Variants in NDST3 observed in about 807,000 individuals in gnomAD.
NDST3 encodes N-deacetylase and N-sulfotransferase 3, also known as bifunctional heparan sulfate N-deacetylase/N-sulfotransferase 3.
NDST3 carries 58 observed loss-of-function variants against 96.1 expected under a neutral mutation model. The observed-to-expected ratio is 0.60, with a 90% CI of 0.49 to 0.75. NDST3 has a LOEUF of 0.75. Among genes scored for constraint, NDST3 ranks in the 30% least tolerant of loss-of-function variants. The pLI is 0.00. For synonymous variants in NDST3, 333 were observed against 359.7 expected (o/e 0.93, Z 0.84); for missense variants, 788 against 1,034.2 (o/e 0.76, Z 3.27).
intron 2 of NDST3, among the ~76,000 whole-genome samples, chr4:118,087,939 C>G (rs1728560289): frequency 6.6e-6 from 1 of 152,046 alleles, no homozygotes; most frequent in Admixed American, 6.6e-5. Context: ...GAGACTATCT[C>G]TCATAACAAG....
At chr4:118,180,116 T>C (rs1419143992) in intron 6 of NDST3, among the ~76,000 whole-genome samples, 1 of 152,102 alleles carries the variant, frequency 6.6e-6, no homozygotes, top group Non-Finnish European at 1.5e-5. Context: ...TTAACCTTTA[T>C]TTTAGATTCA....
chr4:118,064,726 A>C (rs1463892798), intron 2 of NDST3, among the ~76,000 whole-genome samples: 1 of 152,130 alleles, frequency 6.6e-6, no homozygotes, highest in African/African-American at 2.4e-5. Context: ...AATTACCACC[A>C]ACTTAGTGTC....
At chr4:118,075,281 C>A (rs1441326655) in intron 2 of NDST3, among the ~76,000 whole-genome samples, 1 of 152,154 alleles carries the variant, frequency 6.6e-6, no homozygotes, top group Non-Finnish European at 1.5e-5. Context: ...GCCACAATTT[C>A]TTAATCCAGT....
chr4:118,114,507 C>G (rs1220287483), intron 3 of NDST3, among the ~76,000 whole-genome samples: 1 of 152,086 alleles, frequency 6.6e-6, no homozygotes, highest in Non-Finnish European at 1.5e-5. Flanking sequence ...ATAAACTGCA[C>G]AAAAATGCTG....
In NDST3 at chr4:118,258,420, T is replaced by C. The variant is rs1742240034; in HGVS notation, c.*2708T>C. ...GATTTAAAACTAGCTTTGTATAGAA[T>C]TCCCTTTTTCATTGTTTAAAATATG... On this transcript the variant is annotated 3_prime_UTR_variant, in exon 14 of 14. Coordinates refer to ENST00000296499, the MANE Select transcript of NDST3 (RefSeq NM_004784.3). The C allele has an allele frequency of 2.0e-5, 3 of 152,220 alleles. No homozygotes were observed. The highest frequency in any genetic ancestry group is 2.0e-4 in the Admixed American group (3 of 15,290). 9.4% of individuals were successfully genotyped at this position (152,220 alleles called of 1,614,324 possible). A position where few individuals can be genotyped will look rare whatever the true frequency, so the allele number is the denominator to read the frequency against.
chr4:118,241,772 AC>A, intron 11 of NDST3, among the ~76,000 whole-genome samples: 1 of 151,862 alleles, frequency 6.6e-6, no homozygotes, highest in East Asian at 2.0e-4. Flanking sequence ...TTTTCTAGTC[AC>A]TTTTCTAAGC....
chr4:118,106,018 A>G (rs1356305038), intron 3 of NDST3, among the ~76,000 whole-genome samples: 1 of 152,098 alleles, frequency 6.6e-6, no homozygotes, highest in African/African-American at 2.4e-5. Context: ...ACATGTAGAG[A>G]TATCATATTA....
chr4:118,122,940 GGTCT>G (rs1467593613), intron 4 of NDST3, among the ~76,000 whole-genome samples: 5 of 152,132 alleles, frequency 3.3e-5, no homozygotes, highest in Admixed American at 6.5e-5. Flanking sequence ...TTTTATCCCA[GGTCT>G]GTCTAATTCC....
At chr4:118,042,405 A>G (rs918096687) in intron 1 of NDST3, among the ~76,000 whole-genome samples, 2 of 152,100 alleles carry the variant, frequency 1.3e-5, no homozygotes, top group African/African-American at 4.8e-5. Context: ...CTTAGCTGGG[A>G]CTGTCTTGAC....
In NDST3 at chr4:118,215,578, C is replaced by G. The variant is rs532831685; in HGVS notation, c.1540-8913C>G. Among the ~76,000 whole-genome samples, 5 of 151,810 alleles carry G rather than the reference C, an allele frequency of 3.3e-5. No individual in the cohort carries two copies. The South Asian group carries it at 1.0e-3, about 32-fold the overall frequency. ...GAAAAGATAAAATCTCAAGAGAGAG[C>G]CTAAGATGAGAGAGATTGAAATATG... On this transcript the variant is annotated intron_variant, in intron 6 of 13. Transcript: ENST00000296499.
At chr4:118,168,620 G>A (rs879425394) in intron 6 of NDST3, among the ~76,000 whole-genome samples, 14 of 152,042 alleles carry the variant, frequency 9.2e-5, no homozygotes, top group Admixed American at 4.6e-4. Context: ...TTTGACTTCC[G>A]GGTATACATC....
chr4:118,232,673 GA>G lies in NDST3; in HGVS notation c.1820-335del, dbSNP rs766694036. On this transcript the variant is annotated intron_variant, in intron 8 of 13. Transcript: ENST00000296499. ...AAAGAGAGAGAAAGAAGGAAAGAAA[GA>G]AAAGAAAAGGAAAGAAACAAAGAAA... Among the ~76,000 whole-genome samples the G allele has an allele frequency of 1.7e-3, 250 of 147,114 alleles. 1 individual carries two copies. Among genetic ancestry groups the G allele is most frequent in the Non-Finnish European group, 2.8e-3 (186 of 66,500 alleles).
At chr4:118,143,780 A>G in intron 6 of NDST3, 96 bp downstream of exon 6, 1 of 1,332,746 alleles carries the variant, frequency 7.5e-7, no homozygotes, top group Non-Finnish European at 1.0e-6. Context: ...TCATCAGCCA[A>G]GCCAATATGA....
intron 4 of NDST3, among the ~76,000 whole-genome samples, chr4:118,135,188 C>G (rs1322437725): frequency 6.6e-6 from 1 of 152,184 alleles, no homozygotes; most frequent in East Asian, 1.9e-4. Flanking sequence ...CCCCTACTAA[C>G]TGAATGACTC....
intron 6 of NDST3, among the ~76,000 whole-genome samples, chr4:118,165,823 C>G (rs1001669024): frequency 1.3e-5 from 2 of 150,870 alleles, no homozygotes; most frequent in African/African-American, 4.9e-5. Flanking sequence ...AATTTGGGTA[C>G]AAGAAAAAAA....
At chr4:118,114,760 G>C in intron 3 of NDST3, 46 bp from the exon 4 acceptor site, 1 of 1,558,642 alleles carries the variant, frequency 6.4e-7, no homozygotes, top group South Asian at 1.1e-5. Flanking sequence ...ATTGATCATA[G>C]ATCAGTGTAA....
At position 118,175,507 on chromosome 4, in the gene NDST3, C is replaced by A. The variant is rs142923446; in HGVS notation, c.1539+31823C>A. Among the ~76,000 whole-genome samples, 144 of 152,220 alleles carry A rather than the reference C, an allele frequency of 9.5e-4. 2 individuals carry two copies. The East Asian group carries it at 0.027, about 28-fold the overall frequency. ...TAAAAGTTGCTGTCTTATCTATGTT[C>A]TTTTCTTTCCTAGACAACACTTTGG... On this transcript the variant is annotated intron_variant, in intron 6 of 13. Coordinates refer to ENST00000296499, the MANE Select transcript of NDST3 (RefSeq NM_004784.3).
intron 12 of NDST3, among the ~76,000 whole-genome samples, chr4:118,245,033 G>T (rs1038611789): frequency 1.3e-5 from 2 of 151,986 alleles, no homozygotes; most frequent in Non-Finnish European, 2.9e-5. Context: ...CCCTAAATGG[G>T]ATTAATATAT....
In NDST3 at chr4:118,240,645, G is replaced by A. The variant is rs770328747; in HGVS notation, c.2240G>A (p.Trp747Ter). 1.2e-6 allele frequency: 2 copies of A among 1,613,592 alleles called. No individual in the cohort carries two copies. The highest frequency in any genetic ancestry group is 2.2e-5 in the East Asian group (1 of 44,880). The change falls in exon 11 of 14, where the codon TGG (tryptophan) becomes TAG (stop). Residue 747 changes from tryptophan (W) to a stop codon, truncating the protein, a stop_gained. Coordinates refer to ENST00000296499, the MANE Select transcript of NDST3 (RefSeq NM_004784.3). LOFTEE classifies it high-confidence loss of function. ...CAGAAGAGATGTTTGGTCCCGGGGT[G>A]GTATGCCAGCCACATCGAGAGATGG... ...ALQKRCLVPG[W>*]YASHIERWLV...
Sources: gnomAD v4.1 joint callset for allele counts (sites outside exome capture counted in the v4.1 genomes callset) on GRCh38, gnomAD v4.1.1 for gene constraint, MANE v1.5 for transcripts, NCBI Gene and HGNC (gene_info 2026-07-23, HGNC 2026-07-21) for gene names.